CREBBP: variants seen among roughly 807,000 people sequenced by gnomAD.
The protein encoded by CREBBP is CREB-binding protein.
In CREBBP, 19 loss-of-function variants were observed where a neutral mutation model predicts 265.0. The observed-to-expected ratio is 0.07, with a 90% CI of 0.05 to 0.11. The LOEUF (loss-of-function observed/expected upper bound fraction) is 0.11. CREBBP is among the 10% of genes least tolerant of loss of function. The probability of loss-of-function intolerance (pLI) is 1.00; values close to 1 mark genes in which losing one functional copy is unlikely to be tolerated. For missense variants in CREBBP, 2,525 were observed against 3,219.0 expected (o/e 0.78, Z 5.22); for synonymous variants, 1,457 against 1,223.7 (o/e 1.19, Z -3.98).
rs1299076332 is a variant in CREBBP, at chr16:3,880,576, G to GGGCCGGGCGGAGCGGGCC, written c.-678_-661dup. 4 of 146,244 alleles carry GGGCCGGGCGGAGCGGGCC rather than the reference G, an allele frequency of 2.7e-5. No individual in the cohort carries two copies. Among genetic ancestry groups the GGGCCGGGCGGAGCGGGCC allele is most frequent in the Non-Finnish European group, 4.6e-5 (3 of 65,716 alleles). The allele number at this position is 146,244 out of a possible 1,614,324, so 9.1% of individuals were successfully genotyped here. A position where few individuals can be genotyped will look rare whatever the true frequency, so the allele number is the denominator to read the frequency against. ...GCGGGGCCGCCGGGGCGGGCGCCGA[G>GGGCCGGGCGGAGCGGGCC]GGCCGGGCGGAGCGGGCCGGCCGGG... On this transcript the variant is annotated 5_prime_UTR_variant, in exon 1 of 31. Coordinates refer to ENST00000262367, the MANE Select transcript of CREBBP (RefSeq NM_004380.3).
intron 2 of CREBBP, among the ~76,000 whole-genome samples, chr16:3,820,591 T>C (rs796121375): frequency 1.8e-4 from 27 of 152,208 alleles, no homozygotes; most frequent in African/African-American, 5.5e-4. Flanking sequence ...ATAATGTCTT[T>C]CAAGAAGCAT....
intron 28 of CREBBP, among the ~76,000 whole-genome samples, chr16:3,735,242 G>T (rs150552341): frequency 6.6e-6 from 1 of 152,306 alleles, no homozygotes; most frequent in Non-Finnish European, 1.5e-5. Context: ...CTTGGGTCTG[G>T]GTTCTTTTTG....
At chr16:3,860,066 C>T (rs548447504) in intron 1 of CREBBP, among the ~76,000 whole-genome samples, 48 of 152,202 alleles carry the variant, frequency 3.2e-4, no homozygotes, top group African/African-American at 1.1e-3. Context: ...TGGGATCTGA[C>T]ACCATCTGCC....
rs1221511327 is a variant in CREBBP at position 3,759,045 on chromosome 16, G to C, written c.3251-73C>G. ...TCCCTCCTACCTCACATTTAAAACGGAATCCTGGCTGCTGTGACATCCCAG... is the reference window on the plus strand; with the variant it reads ...TCCCTCCTACCTCACATTTAAAACGCAATCCTGGCTGCTGTGACATCCCAG... On this transcript the variant is annotated intron_variant, in intron 16 of 30. Coordinates refer to ENST00000262367, the MANE Select transcript of CREBBP (RefSeq NM_004380.3). 2.5e-6 allele frequency: 3 copies of C among 1,193,360 alleles called. No individual in the cohort carries two copies. The African/African-American group carries it at 4.5e-5, about 18-fold the overall frequency. The allele number at this position is 1,193,360 out of a possible 1,614,324, so 73.9% of individuals were successfully genotyped here. A position where few individuals can be genotyped will look rare whatever the true frequency, so the allele number is the denominator to read the frequency against.
chr16:3,728,385 A>C lies in CREBBP; in HGVS notation c.6662T>G (p.Met2221Arg), dbSNP rs2151302421. The C allele has an allele frequency of 1.2e-6, 2 of 1,613,540 alleles. No individual in the cohort carries two copies. Among genetic ancestry groups the C allele is most frequent in the Non-Finnish European group, 1.7e-6 (2 of 1,179,798 alleles). The stretch of plus-strand genomic sequence containing the variant: ...GCCGTGCCCCGCCATGCCCCCAGCC[A>C]TGCCGGCACTCCCTTGCTGCTGCTG... ...QQQQQQGSAG[M>R]AGGMAGHGQF... The change falls in exon 31 of 31, where the codon ATG (methionine) becomes AGG (arginine). Residue 2221 changes from methionine to arginine, a missense_variant. Met to Arg is a moderately conservative substitution (Grantham distance 91). Around this residue, in one of 19 missense-constraint regions of CREBBP, gnomAD observed 473 missense variants for 459.3 expected, o/e 1.03. Transcript: ENST00000262367. This position sits in a 1 kb window ranked among gnomAD's most constrained non-coding sequence, Gnocchi z 8.7.
In CREBBP at chr16:3,773,927, C is replaced by T. The variant is rs768288810; in HGVS notation, c.2287G>A (p.Ala763Thr). The T allele has an allele frequency of 1.2e-6, 2 of 1,612,170 alleles. No individual in the cohort carries two copies. Among genetic ancestry groups the T allele is most frequent in the Non-Finnish European group, 1.7e-6 (2 of 1,180,008 alleles). ...MNSMGSVPGMAISPSRMPQPP... is the reference protein window; with the variant it reads ...MNSMGSVPGMTISPSRMPQPP... ...TGAGGCATTCGGGAAGGAGAAATGGCCATCTACGAGACAACAAGCACCACC... is the reference window on the plus strand; with the variant it reads ...TGAGGCATTCGGGAAGGAGAAATGGTCATCTACGAGACAACAAGCACCACC... Residue 763 changes from alanine (A) to threonine (T), a missense_variant, in exon 13 of 31, where the codon GCC becomes ACC. Ala to Thr is a moderately conservative substitution (Grantham distance 58, BLOSUM62 0). This residue lies in a region of CREBBP where 548 missense variants were observed against 533.0 expected (regional missense o/e 1.03). Transcript: ENST00000262367.
intron 3 of CREBBP, among the ~76,000 whole-genome samples, chr16:3,810,267 A>C (rs1212108364): frequency 1.3e-5 from 2 of 152,200 alleles, no homozygotes; most frequent in African/African-American, 4.8e-5. Context: ...GACATCATCA[A>C]GCCACTAACA....
intron 3 of CREBBP, among the ~76,000 whole-genome samples, chr16:3,808,118 G>A (rs1187602236): frequency 2.0e-5 from 3 of 150,908 alleles, no homozygotes; most frequent in Non-Finnish European, 4.4e-5. Context: ...GAGAAAGAGA[G>A]GGGGTGGGGA....
At position 3,822,326 on chromosome 16, in the gene CREBBP, C is replaced by T. The variant is rs368283792; in HGVS notation, c.799-11547G>A. 1.5e-4 allele frequency among the ~76,000 whole-genome samples: 23 copies of T among 152,250 alleles called. No homozygotes were observed. In the East Asian group the frequency reaches 3.3e-3, roughly 22 times the overall value. Reference sequence around the variant, plus strand: ...GCGTGAATGTGTATAGGTAACGCAACGGTTCAGAGAAAAGGAGAAATAAAG... The same window carrying T: ...GCGTGAATGTGTATAGGTAACGCAATGGTTCAGAGAAAAGGAGAAATAAAG... On this transcript the variant is annotated intron_variant, in intron 2 of 30. Transcript: ENST00000262367.
At chr16:3,797,637 C>T (rs935032444) in intron 3 of CREBBP, among the ~76,000 whole-genome samples, 1 of 152,164 alleles carries the variant, frequency 6.6e-6, no homozygotes, top group Non-Finnish European at 1.5e-5. Context: ...TTGTACTGCA[C>T]TCACTTATTT....
intron 1 of CREBBP, among the ~76,000 whole-genome samples, chr16:3,876,440 A>G (rs1245437474): frequency 6.6e-6 from 1 of 150,612 alleles, no homozygotes; most frequent in African/African-American, 2.5e-5. Flanking sequence ...CCCAGAAAAC[A>G]AAAAACAAAA....
chr16:3,746,204 C>T (rs1462734305), intron 21 of CREBBP, among the ~76,000 whole-genome samples: 1 of 152,192 alleles, frequency 6.6e-6, no homozygotes, highest in African/African-American at 2.4e-5. Context: ...CTTTGAGCTA[C>T]AGCTCCTCTA....
intron 2 of CREBBP, among the ~76,000 whole-genome samples, chr16:3,837,269 CTGTGTGTA>C (rs1400447729): frequency 7.3e-5 from 11 of 151,470 alleles, no homozygotes; most frequent in Admixed American, 3.3e-4. Flanking sequence ...GTGTGTGTGT[CTGTGTGTA>C]TGTGTGTACA....
In CREBBP at chr16:3,778,767, C is replaced by T. The variant is rs2141237781; in HGVS notation, c.1874G>A (p.Arg625His). 1.2e-6 allele frequency: 2 copies of T among 1,614,002 alleles called. No individual in the cohort carries two copies. Among genetic ancestry groups the T allele is most frequent in the Non-Finnish European group, 1.7e-6 (2 of 1,179,910 alleles). The change falls in exon 9 of 31, where the codon CGC becomes CAC. Residue 625 changes from arginine (R) to histidine (H), a missense_variant. Coordinates refer to ENST00000262367, the MANE Select transcript of CREBBP (RefSeq NM_004380.3). ...TPDPAALKDRRMENLVAYAKK... is the reference protein window; with the variant it reads ...TPDPAALKDRHMENLVAYAKK... ...AGCATAGGCTACCAGGTTTTCCATG[C>T]GGCGATCCTTTAGAGCTGCGGGATC...
intron 1 of CREBBP, among the ~76,000 whole-genome samples, chr16:3,870,575 C>A (rs1016168222): frequency 6.6e-6 from 1 of 152,084 alleles, no homozygotes; most frequent in Non-Finnish European, 1.5e-5. Context: ...CAAACGATTA[C>A]CCATTTTGTA....
rs2141495619 is a variant in CREBBP at position 3,850,819 on chromosome 16, G to A, written c.276C>T (p.Ser92=). 6.2e-7 allele frequency: 1 copy of A among 1,614,144 alleles called. No homozygotes were observed. The highest frequency in any genetic ancestry group is 8.5e-7 in the Non-Finnish European group (1 of 1,180,042). Residue 92 remains serine (S), a synonymous_variant, in exon 2 of 31, where the codon AGC becomes AGT. Coordinates refer to ENST00000262367, the MANE Select transcript of CREBBP (RefSeq NM_004380.3). ...INPGIGNVSA[S]SPVQQGLGGQ... is the part of the protein sequence containing the mutation. Reference sequence around the variant, plus strand: ...CACCCAGGCCCTGCTGCACGGGGCTGCTGGCGCTCACATTTCCTATTCCTG... The same window carrying A: ...CACCCAGGCCCTGCTGCACGGGGCTACTGGCGCTCACATTTCCTATTCCTG...
At chr16:3,825,575 T>C (rs1408851404) in intron 2 of CREBBP, among the ~76,000 whole-genome samples, 1 of 152,046 alleles carries the variant, frequency 6.6e-6, no homozygotes, top group African/African-American at 2.4e-5. Flanking sequence ...AGAAAAGGGG[T>C]TCAGTCCTCT....
intron 13 of CREBBP, among the ~76,000 whole-genome samples, chr16:3,771,226 G>A (rs1026086953): frequency 7.9e-5 from 12 of 151,976 alleles, no homozygotes; most frequent in South Asian, 6.2e-4. Context: ...CCGTCACCAC[G>A]CCCAGCTAAT....
intron 2 of CREBBP, among the ~76,000 whole-genome samples, chr16:3,840,061 A>G (rs975604426): frequency 2.0e-5 from 3 of 152,190 alleles, no homozygotes; most frequent in Admixed American, 6.5e-5. Flanking sequence ...TATACATCCC[A>G]CATTACCCTG....
Sources: gnomAD v4.1 joint callset for allele counts (sites outside exome capture counted in the v4.1 genomes callset) on GRCh38, gnomAD v4.1.1 for gene constraint, gnomAD v4.1.1 regional missense constraint, Gnocchi (gnomAD v3.1) non-coding constraint, MANE v1.5 for transcripts, NCBI Gene and HGNC (gene_info 2026-07-23, HGNC 2026-07-21) for gene names.